DOCK8: variants seen among roughly 807,000 people sequenced by gnomAD.
DOCK8 encodes dedicator of cytokinesis protein 8.
DOCK8 carries 141 observed loss-of-function variants against 245.6 expected under a neutral mutation model. The observed-to-expected ratio is 0.57, with a 90% CI of 0.50 to 0.66. The LOEUF is 0.66. Ranked by LOEUF, DOCK8 falls within the 30% of genes least tolerant of loss-of-function variation. The pLI is 0.00. For missense variants in DOCK8, 2,965 were observed against 2,603.4 expected (o/e 1.14, Z -3.02); for synonymous variants, 1,168 against 970.2 (o/e 1.20, Z -3.79).
chr9:384,347 A>C (rs1216188410), intron 22 of DOCK8, among the ~76,000 whole-genome samples: 1 of 152,194 alleles, frequency 6.6e-6, no homozygotes, highest in Non-Finnish European at 1.5e-5. Flanking sequence ...AGGGTGGCCG[A>C]GCTATTAGAG....
chr9:255,461 A>G (rs1184931367), intron 1 of DOCK8, among the ~76,000 whole-genome samples: 1 of 152,116 alleles, frequency 6.6e-6, no homozygotes, highest in Non-Finnish European at 1.5e-5. Flanking sequence ...TGAGGTCAGG[A>G]GTTTGAGATC....
In DOCK8 at chr9:376,249, G is replaced by A. The variant is rs1563981899; in HGVS notation, c.2149G>A (p.Gly717Arg). Residue 717 changes from glycine to arginine, a missense_variant, in exon 19 of 48, where the codon GGA becomes AGA. Gly to Arg is a moderately radical substitution (Grantham distance 125, BLOSUM62 -2). Around this residue, in one of 3 missense-constraint regions of DOCK8, gnomAD observed 2,825 missense variants for 2,453.5 expected, o/e 1.15. Coordinates refer to ENST00000432829, the MANE Select transcript of DOCK8 (RefSeq NM_203447.4). Reference sequence around the variant, plus strand: ...GAATCCTCCCATTAAGTGGGCTGAAGGACATAAGGGAGTATTTAATATTGA... The same window carrying A: ...GAATCCTCCCATTAAGTGGGCTGAAAGACATAAGGGAGTATTTAATATTGA... The part of the protein sequence containing the change: ...LQNPPIKWAE[G>R]HKGVFNIEVQ... 1 of 1,613,300 alleles carries A rather than the reference G, an allele frequency of 6.2e-7. No homozygotes were observed. Among genetic ancestry groups the A allele is most frequent in the African/African-American group, 1.3e-5 (1 of 74,830 alleles).
chr9:319,294 A>C (rs1400281342), intron 7 of DOCK8, among the ~76,000 whole-genome samples: 1 of 152,246 alleles, frequency 6.6e-6, no homozygotes, highest in African/African-American at 2.4e-5. Flanking sequence ...AAAATTAAAA[A>C]AAGAGGAGTC....
chr9:359,722 A>C (rs796645341), intron 14 of DOCK8, among the ~76,000 whole-genome samples: 8 of 149,816 alleles, frequency 5.3e-5, no homozygotes, highest in African/African-American at 2.0e-4. Context: ...CTTTTCCTGT[A>C]GTTTTTGAAT....
intron 1 of DOCK8, among the ~76,000 whole-genome samples, chr9:267,352 C>T (rs777053041): frequency 5.3e-5 from 8 of 152,098 alleles, no homozygotes; most frequent in Non-Finnish European, 1.2e-4. Flanking sequence ...ACTACAGGCA[C>T]ACACCACCAT....
intron 2 of DOCK8, among the ~76,000 whole-genome samples, chr9:281,636 T>C (rs1242779561): frequency 2.3e-5 from 2 of 88,504 alleles, no homozygotes; most frequent in African/African-American, 7.7e-5. Context: ...TATATGTTTG[T>C]GTGCCTGTGT....
intron 1 of DOCK8, among the ~76,000 whole-genome samples, chr9:241,228 T>C (rs1221099589): frequency 1.3e-5 from 2 of 152,174 alleles, no homozygotes; most frequent in Non-Finnish European, 2.9e-5. Flanking sequence ...TTCTTTGTAT[T>C]GGGCATGTTC....
chr9:283,510 C>T (rs1242374150), intron 2 of DOCK8, among the ~76,000 whole-genome samples: 5 of 152,106 alleles, frequency 3.3e-5, no homozygotes, highest in Admixed American at 6.5e-5. Context: ...AAATAGCATC[C>T]ATTGTATTCA....
At chr9:270,204 A>G (rs1239047746) in intron 1 of DOCK8, among the ~76,000 whole-genome samples, 2 of 152,190 alleles carry the variant, frequency 1.3e-5, no homozygotes, top group Non-Finnish European at 1.5e-5. Context: ...CGCTGTAGAA[A>G]ATTAAGGAGC....
chr9:277,987 C>G (rs1330263195), intron 2 of DOCK8, among the ~76,000 whole-genome samples: 1 of 152,136 alleles, frequency 6.6e-6, no homozygotes, highest in Non-Finnish European at 1.5e-5. Flanking sequence ...TCTTCTGATT[C>G]TGTTGTTCTT....
intron 14 of DOCK8, among the ~76,000 whole-genome samples, chr9:352,709 T>TTTG (rs1277989167): frequency 0.017 from 2,525 of 147,724 alleles, 75 homozygotes; most frequent in African/African-American, 0.059. Flanking sequence ...GCCACTGCAC[T>TTTG]CCAGTCCAGT....
Position 368,178 on chromosome 9 carries a change from G to A in DOCK8, c.1797+43G>A, listed in dbSNP as rs895310400. On this transcript the variant is annotated intron_variant, in intron 15 of 47. Coordinates refer to ENST00000432829, the MANE Select transcript of DOCK8 (RefSeq NM_203447.4). ...CATTTGCCTCAAATCAGGGTGGGCT[G>A]CTCACCCCTGTCACTTCACACAAGT... is the stretch of plus-strand genomic sequence containing the variant. The A allele has an allele frequency of 2.7e-6, 4 of 1,506,162 alleles. No homozygotes were observed. The Admixed American group carries it at 6.7e-5, about 25-fold the overall frequency. The allele number at this position is 1,506,162 out of a possible 1,614,324, so 93.3% of individuals were successfully genotyped here.
chr9:238,972 GAC>G (rs1185065030), intron 1 of DOCK8, among the ~76,000 whole-genome samples: 3 of 152,100 alleles, frequency 2.0e-5, no homozygotes, highest in Non-Finnish European at 4.4e-5. Context: ...GGACCATTTA[GAC>G]ACACCGATTC....
chr9:421,948 A>G, intron 32 of DOCK8, 100 bp from the exon 33 acceptor site: 5 of 1,051,210 alleles, frequency 4.8e-6, no homozygotes, highest in Non-Finnish European at 5.9e-6. Context: ...AGCCCGAGAA[A>G]TGGTGCTGAG....
intron 14 of DOCK8, among the ~76,000 whole-genome samples, chr9:351,895 G>A (rs2052188602): frequency 6.6e-6 from 1 of 152,186 alleles, no homozygotes; most frequent in African/African-American, 2.4e-5. Flanking sequence ...AACTTTCCCT[G>A]AAGTCAGCAA....
chr9:364,174 T>G (rs940071686), intron 14 of DOCK8, among the ~76,000 whole-genome samples: 2 of 152,162 alleles, frequency 1.3e-5, no homozygotes, highest in Non-Finnish European at 2.9e-5. Flanking sequence ...GAACGCTTAT[T>G]TTTAGAGGAG....
intron 28 of DOCK8, among the ~76,000 whole-genome samples, chr9:412,826 C>A (rs1404565822): frequency 2.0e-5 from 3 of 150,250 alleles, no homozygotes; most frequent in Admixed American, 2.0e-4. Context: ...GCAATACTCC[C>A]CAAATTGATC....
intron 5 of DOCK8, among the ~76,000 whole-genome samples, chr9:311,268 C>A (rs572996227): frequency 6.7e-6 from 1 of 149,088 alleles, no homozygotes; most frequent in South Asian, 2.1e-4. Context: ...CTAGGTGTCG[C>A]AGCAAGACTC....
At chr9:384,488 G>T (rs372584330) in intron 22 of DOCK8, among the ~76,000 whole-genome samples, 1 of 152,198 alleles carries the variant, frequency 6.6e-6, no homozygotes, top group Admixed American at 6.5e-5. Flanking sequence ...CCAGGGTTTG[G>T]GGCTGGGCGC....
Sources: allele counts gnomAD v4.1 joint callset (sites outside exome capture counted in the v4.1 genomes callset), GRCh38; gene constraint gnomAD v4.1.1; regional missense constraint gnomAD v4.1.1; transcripts MANE v1.5; gene names NCBI Gene and HGNC (gene_info 2026-07-23, HGNC 2026-07-21).